The following CBFA2T2 variants were observed in gnomAD, a reference collection of about 807,000 sequenced individuals.
The protein encoded by CBFA2T2 is protein CBFA2T2.
A neutral mutation model predicts 62.2 loss-of-function variants in CBFA2T2; 11 were observed. The observed-to-expected ratio is 0.18, with a 90% CI of 0.11 to 0.29. The LOEUF (loss-of-function observed/expected upper bound fraction) is 0.29. CBFA2T2 is among the 10% of genes least tolerant of loss of function. CBFA2T2 has a pLI of 1.00. For synonymous variants in CBFA2T2, 295 were observed against 287.5 expected (o/e 1.03, Z -0.27); for missense variants, 592 against 774.1 (o/e 0.76, Z 2.79).
In CBFA2T2 at chr20:33,554,558, T is replaced by TTTTTC. The variant is rs143747291; in HGVS notation, c.35-52379_35-52375dup. 5.7e-4 allele frequency among the ~76,000 whole-genome samples: 85 copies of TTTTTC among 149,572 alleles called. 1 individual carries two copies. Among genetic ancestry groups the TTTTTC allele is most frequent in the South Asian group, 1.0e-3 (5 of 4,804 alleles). ...GCCACTGCGCCCGGCCTATTTTTCT[T>TTTTTC]TTTTCTTTTCTTTTCTTTTCTTTCC... On this transcript the variant is annotated intron_variant, in intron 1 of 10. Transcript: ENST00000342704.
chr20:33,510,849 C>G (rs1490174655), intron 1 of CBFA2T2, among the ~76,000 whole-genome samples: 1 of 152,162 alleles, frequency 6.6e-6, no homozygotes, highest in Non-Finnish European at 1.5e-5. Context: ...GAGATGGTAT[C>G]TCATTGTGGT....
intron 1 of CBFA2T2, among the ~76,000 whole-genome samples, chr20:33,536,432 C>T (rs544241324): frequency 3.4e-5 from 5 of 148,300 alleles, no homozygotes; most frequent in Non-Finnish European, 7.5e-5. Context: ...GGGGGCTGAC[C>T]CCCCCACCTC....
chr20:33,562,547 A>G lies in CBFA2T2; in HGVS notation c.35-44409A>G, dbSNP rs1166175525. On this transcript the variant is annotated intron_variant, in intron 1 of 10. Transcript: ENST00000342704. ...TGACACATGTCCAGCTAATGAAAGG[A>G]GGAGGAAGGCTGGTCTCCGATTGAG... is the stretch of plus-strand genomic sequence containing the variant. The G allele has an allele frequency of 3.0e-6, 3 of 985,788 alleles. No homozygotes were observed. The African/African-American group carries it at 5.2e-5, about 17-fold the overall frequency. The allele number at this position is 985,788 out of a possible 1,614,324, so 61.1% of individuals were successfully genotyped here.
At chr20:33,498,218 C>T (rs925920192) in intron 1 of CBFA2T2, among the ~76,000 whole-genome samples, 2 of 151,156 alleles carry the variant, frequency 1.3e-5, no homozygotes, top group Admixed American at 6.6e-5. Flanking sequence ...AGGCATGAAC[C>T]ACTGTGCCTG....
At chr20:33,579,091 T>C (rs2013977459) in intron 1 of CBFA2T2, among the ~76,000 whole-genome samples, 1 of 150,994 alleles carries the variant, frequency 6.6e-6, no homozygotes, top group Admixed American at 6.7e-5. Context: ...AGTGCCTTTT[T>C]GGTTTTTTTG....
intron 1 of CBFA2T2, among the ~76,000 whole-genome samples, chr20:33,545,176 G>A (rs1600951823): frequency 6.6e-6 from 1 of 152,154 alleles, no homozygotes; most frequent in Non-Finnish European, 1.5e-5. Context: ...AGGAAGCAGT[G>A]TTTCTTAAAA....
intron 1 of CBFA2T2, among the ~76,000 whole-genome samples, chr20:33,595,271 GC>G: frequency 6.6e-6 from 1 of 152,180 alleles, no homozygotes; most frequent in Non-Finnish European, 1.5e-5. Context: ...GAGTGCAGTG[GC>G]CCAATCCCGG....
intron 1 of CBFA2T2, among the ~76,000 whole-genome samples, chr20:33,494,577 G>A (rs1222410813): frequency 2.0e-5 from 3 of 150,660 alleles, no homozygotes; most frequent in East Asian, 3.9e-4. Context: ...CACCGCGCCC[G>A]GCCACTGTAT....
intron 3 of CBFA2T2, among the ~76,000 whole-genome samples, chr20:33,614,213 A>G (rs1438563608): frequency 6.6e-6 from 1 of 152,162 alleles, no homozygotes; most frequent in Non-Finnish European, 1.5e-5. Context: ...AAATGGCCAC[A>G]TTTGGGTTAC....
chr20:33,573,472 T>C (rs975345654), intron 1 of CBFA2T2, among the ~76,000 whole-genome samples: 1 of 151,852 alleles, frequency 6.6e-6, no homozygotes, highest in Non-Finnish European at 1.5e-5. Context: ...GTACTACTTC[T>C]TCTTCTTCTT....
chr20:33,524,635 A>G lies in CBFA2T2; in HGVS notation c.34+34334A>G, dbSNP rs143216767. On this transcript the variant is annotated intron_variant, in intron 1 of 10. Transcript: ENST00000342704. ...AAAATCCAGATGCTCACTTAAATAC[A>G]TAAGAAGACAAACCAGGATCAATCT... Among the ~76,000 whole-genome samples, 4 of 152,348 alleles carry G rather than the reference A, an allele frequency of 2.6e-5. No individual in the cohort carries two copies. In the East Asian group the frequency reaches 7.7e-4, roughly 29 times the overall value.
intron 3 of CBFA2T2, among the ~76,000 whole-genome samples, chr20:33,617,235 G>GA (rs535518006): frequency 0.092 from 13,637 of 148,986 alleles, 1,606 homozygotes; most frequent in African/African-American, 0.26. Context: ...CCCTATCTCT[G>GA]AAAAAAAAAA....
At chr20:33,579,817 CTTTT>C (rs11475822) in intron 1 of CBFA2T2, among the ~76,000 whole-genome samples, 1 of 138,428 alleles carries the variant, frequency 7.2e-6, no homozygotes, top group Non-Finnish European at 1.6e-5. Context: ...CTCTCTCTCT[CTTTT>C]TTTTTTTTTT....
chr20:33,517,429 CTGGTTTTTT>C (rs373753241), intron 1 of CBFA2T2, among the ~76,000 whole-genome samples: 23 of 149,456 alleles, frequency 1.5e-4, no homozygotes, highest in African/African-American at 5.6e-4. Flanking sequence ...ATTCATAGGA[CTGGTTTTTT>C]TGGTTTTTTT....
intron 1 of CBFA2T2, among the ~76,000 whole-genome samples, chr20:33,492,178 G>C (rs767267882): frequency 2.7e-4 from 41 of 151,844 alleles, no homozygotes; most frequent in Non-Finnish European, 5.1e-4. Context: ...CACTGCGCCC[G>C]GCCTTAATTT....
intron 1 of CBFA2T2, among the ~76,000 whole-genome samples, chr20:33,571,571 C>T (rs895135751): frequency 6.6e-6 from 1 of 152,082 alleles, no homozygotes; most frequent in African/African-American, 2.4e-5. Context: ...TTGTTTGTTA[C>T]ACTCCCAGCC....
chr20:33,533,836 A>G (rs1188253754), intron 1 of CBFA2T2, among the ~76,000 whole-genome samples: 1 of 152,084 alleles, frequency 6.6e-6, no homozygotes, highest in Non-Finnish European at 1.5e-5. Context: ...TTAGCCTTGC[A>G]TGGTGGTGTG....
chr20:33,531,392 C>T (rs993442192), intron 1 of CBFA2T2, among the ~76,000 whole-genome samples: 5 of 152,222 alleles, frequency 3.3e-5, no homozygotes, highest in African/African-American at 9.6e-5. Flanking sequence ...CAGAATCCTA[C>T]TCACACTGCT....
At chr20:33,608,723 G>A (rs555882024) in intron 2 of CBFA2T2, among the ~76,000 whole-genome samples, 12 of 152,196 alleles carry the variant, frequency 7.9e-5, no homozygotes, top group African/African-American at 2.6e-4. Flanking sequence ...TCCATATTTG[G>A]CTGCTTGGCG....
Sources: allele counts gnomAD v4.1 joint callset (sites outside exome capture counted in the v4.1 genomes callset), GRCh38; gene constraint gnomAD v4.1.1; transcripts MANE v1.5; gene names NCBI Gene and HGNC (gene_info 2026-07-23, HGNC 2026-07-21).